FANCA: variants seen among roughly 807,000 people sequenced by gnomAD.
The protein encoded by FANCA is FA complementation group A.
A neutral mutation model predicts 194.3 loss-of-function variants in FANCA; 236 were observed. That is an observed-to-expected ratio of 1.21 (90% CI 1.09 to 1.35). The LOEUF (loss-of-function observed/expected upper bound fraction) is 1.35, where lower values mean the gene tolerates loss of function less well. Among genes scored for constraint, FANCA ranks in the 40% most tolerant of loss-of-function variants. The pLI, the probability that FANCA is intolerant of heterozygous loss-of-function variation, is 0.00. For synonymous variants in FANCA, 1,014 were observed against 715.8 expected, an observed-to-expected ratio of 1.42 and a Z score of -6.65; for missense variants, 2,628 against 1,813.9, an observed-to-expected ratio of 1.45 and a Z score of -8.15.
intron 1 of FANCA, chr16:89,816,290 G>T: frequency 1.2e-5 from 3 of 256,782 alleles, no homozygotes; most frequent in Non-Finnish European, 2.2e-5. Context: ...GGCGGCCGGC[G>T]GGGGCGGCGT....
chr16:89,791,324 A>T (rs1373891175), intron 14 of FANCA, 79 bp downstream of exon 14: 4 of 1,552,438 alleles, frequency 2.6e-6, no homozygotes, highest in Non-Finnish European at 3.5e-6. Flanking sequence ...ACAGAGAATC[A>T]GGTGGGGACA....
In FANCA at chr16:89,738,115, C is replaced by A; in HGVS notation, c.*486G>T. 6.2e-7 allele frequency: 1 copy of A among 1,613,922 alleles called. No homozygotes were observed. On this transcript the variant is annotated 3_prime_UTR_variant, in exon 43 of 43. Coordinates refer to ENST00000389301, the MANE Select transcript of FANCA (RefSeq NM_000135.4). ...TGAGAAGGCCCACAACCTCAATGTA[C>A]ACATGTCCATGGTGCACCCGCTGAC... is the stretch of plus-strand genomic sequence containing the variant.
Position 89,746,596 on chromosome 16 carries a change from C to A in FANCA, c.3501G>T (p.Leu1167Phe). 1 of 1,613,992 alleles carries A rather than the reference C, an allele frequency of 6.2e-7. No individual in the cohort carries two copies. Among genetic ancestry groups the A allele is most frequent in the South Asian group, 1.1e-5 (1 of 91,002 alleles). The change falls in exon 35 of 43, where the codon TTG becomes TTT. Residue 1167 changes from leucine (L) to phenylalanine (F), a missense_variant. Physicochemically the swap from Leu to Phe is conservative, Grantham distance 22. Coordinates refer to ENST00000389301, the MANE Select transcript of FANCA (RefSeq NM_000135.4). ...AKCQTKCPLI[L>F]TSALVWWPSL... ...ACAGCTGACCCACCAGAGCAGAGGT[C>A]AAAATTAAGGGGCATTTCGTCTGGC...
At chr16:89,816,198 G>A in intron 1 of FANCA, 2 of 570,024 alleles carry the variant, frequency 3.5e-6, no homozygotes, top group South Asian at 1.8e-5. Context: ...GCCCGAGGCA[G>A]GGGAGCCCGG....
intron 26 of FANCA, 32 bp from the exon 27 acceptor site, chr16:89,767,269 A>T: frequency 6.8e-7 from 1 of 1,464,750 alleles, no homozygotes. Flanking sequence ...TATAAATGTA[A>T]TCCATACAAA....
chr16:89,751,685 T>C (rs915412907), intron 31 of FANCA, among the ~76,000 whole-genome samples: 3 of 152,062 alleles, frequency 2.0e-5, no homozygotes, highest in African/African-American at 7.2e-5. Flanking sequence ...AGGTACATGC[T>C]GCCTACCTGT....
At chr16:89,777,252 C>A (rs1229681982) in intron 20 of FANCA, among the ~76,000 whole-genome samples, 1 of 151,940 alleles carries the variant, frequency 6.6e-6, no homozygotes, top group Non-Finnish European at 1.5e-5. Context: ...TGTGGTGGAG[C>A]ACGCCTCTAG....
chr16:89,739,938 G>C, intron 39 of FANCA, 56 bp downstream of exon 39: 1 of 1,606,520 alleles, frequency 6.2e-7, no homozygotes. Flanking sequence ...CCATTTGCAA[G>C]ATGCCTCTGA....
chr16:89,813,702 C>T (rs952226999), intron 3 of FANCA, among the ~76,000 whole-genome samples: 2 of 151,992 alleles, frequency 1.3e-5, no homozygotes, highest in East Asian at 1.9e-4. Context: ...CAAAGTGCTG[C>T]GATTATAGGC....
In FANCA at chr16:89,791,575, G is replaced by A. The variant is rs751687503; in HGVS notation, c.1226-39C>T. ...ATGACATAGTCACAGCAAGGCAAGGGCAGCCAGCAGGAACATGACGTGAGT... is the reference window on the plus strand; with the variant it reads ...ATGACATAGTCACAGCAAGGCAAGGACAGCCAGCAGGAACATGACGTGAGT... On this transcript the variant is annotated intron_variant, in intron 13 of 42. Coordinates refer to ENST00000389301, the MANE Select transcript of FANCA (RefSeq NM_000135.4). 14 of 1,612,420 alleles carry A rather than the reference G, an allele frequency of 8.7e-6. No homozygotes were observed. In the Admixed American group the frequency reaches 1.8e-4, roughly 21 times the overall value.
At chr16:89,787,998 T>C (rs2039953500) in intron 14 of FANCA, among the ~76,000 whole-genome samples, 3 of 151,892 alleles carry the variant, frequency 2.0e-5, no homozygotes, top group African/African-American at 7.3e-5. Flanking sequence ...CTCGGCCTTC[T>C]GAGTAGCTGG....
intron 29 of FANCA, among the ~76,000 whole-genome samples, chr16:89,761,654 T>G (rs556438491): frequency 6.6e-6 from 1 of 152,282 alleles, no homozygotes; most frequent in South Asian, 2.1e-4. Flanking sequence ...AGATAGGGTC[T>G]CACTCCGTTG....
chr16:89,813,875 G>GA (rs1191870492), intron 3 of FANCA, among the ~76,000 whole-genome samples: 1 of 151,708 alleles, frequency 6.6e-6, no homozygotes, highest in East Asian at 1.9e-4. Flanking sequence ...ATCTTTAGCA[G>GA]AAAAAAACAA....
In FANCA at chr16:89,769,997, G is replaced by C. The variant is rs768993894; in HGVS notation, c.2344C>G (p.Leu782Val). 5.0e-6 allele frequency: 8 copies of C among 1,613,870 alleles called. No individual in the cohort carries two copies. The South Asian group carries it at 8.8e-5, about 18-fold the overall frequency. Residue 782 changes from leucine (L) to valine (V), a missense_variant, in exon 26 of 43, where the codon CTG (leucine) becomes GTG (valine). Leu to Val is a conservative substitution (Grantham distance 32, BLOSUM62 1). Transcript: ENST00000389301. ...QGPSLSAPHV[L>V]GLAALAVHLG... is the part of the protein sequence containing the mutation. ...TGCACGGCCAGGGCAGCCAACCCCA[G>C]CACATGTGGGGCACTCAGGCTCGGG...
chr16:89,783,224 G>C (rs557875245), intron 15 of FANCA, 122 bp from the exon 16 acceptor site: 4 of 753,166 alleles, frequency 5.3e-6, no homozygotes, highest in African/African-American at 3.5e-5. Context: ...TTTACAGTCA[G>C]ACTTATGAGT....
chr16:89,791,898 A>G, intron 13 of FANCA, 29 bp downstream of exon 13: 1 of 1,613,810 alleles, frequency 6.2e-7, no homozygotes. Context: ...ACTCTTGACC[A>G]GCACCACCGG....
chr16:89,775,739 T>TA lies in FANCA; in HGVS notation c.1900+2dup. Reference sequence around the variant, plus strand: ...AGAGTGGACAAGCGGCCCAGGAACTTACCTTCTGGCTTCTCTTCAGCAGCA... The same window carrying TA: ...AGAGTGGACAAGCGGCCCAGGAACTTAACCTTCTGGCTTCTCTTCAGCAGCA... On this transcript the variant is annotated splice_region_variant and intron_variant, in intron 21 of 42. Coordinates refer to ENST00000389301, the MANE Select transcript of FANCA (RefSeq NM_000135.4). 1 of 1,610,418 alleles carries TA rather than the reference T, an allele frequency of 6.2e-7. No homozygotes were observed. Among genetic ancestry groups the TA allele is most frequent in the Non-Finnish European group, 8.5e-7 (1 of 1,178,084 alleles).
At chr16:89,739,085 C>G (rs1429007068) in intron 41 of FANCA, 48 bp downstream of exon 41, 5 of 1,613,926 alleles carry the variant, frequency 3.1e-6, no homozygotes, top group African/African-American at 2.7e-5. Flanking sequence ...GAAGGAGCCT[C>G]CGGCTGGGGG....
intron 1 of FANCA, 33 bp from the exon 2 acceptor site, chr16:89,816,019 G>A (rs2143724955): frequency 6.5e-7 from 1 of 1,540,822 alleles, no homozygotes; most frequent in Non-Finnish European, 9.0e-7. Context: ...AACCATCACA[G>A]CACAATTCAC....
Sources: gnomAD v4.1 joint callset for allele counts (sites outside exome capture counted in the v4.1 genomes callset) on GRCh38, gnomAD v4.1.1 for gene constraint, MANE v1.5 for transcripts, NCBI Gene and HGNC (gene_info 2026-07-23, HGNC 2026-07-21) for gene names.